The following CDYL2 variants were observed in gnomAD, a reference collection of about 807,000 sequenced individuals.
CDYL2 encodes the protein chromodomain Y like 2.
A neutral mutation model predicts 49.4 loss-of-function variants in CDYL2; 23 were observed. The observed-to-expected ratio is 0.47, with a 90% CI of 0.34 to 0.66. CDYL2 has a LOEUF of 0.66. Among genes scored for constraint, CDYL2 ranks in the 30% least tolerant of loss-of-function variants. The pLI is 0.01. For synonymous variants in CDYL2, 360 were observed against 268.8 expected, an observed-to-expected ratio of 1.34 and a Z score of -3.32; for missense variants, 678 against 656.4, an observed-to-expected ratio of 1.03 and a Z score of -0.36.
chr16:80,605,944 G>C (rs4517811), intron 6 of CDYL2, among the ~76,000 whole-genome samples: 2 of 152,008 alleles, frequency 1.3e-5, no homozygotes, highest in Non-Finnish European at 2.9e-5. Flanking sequence ...CATGGGTAGA[G>C]GGAGCAGGAA....
chr16:80,678,177 T>A (rs1458842200), intron 2 of CDYL2, among the ~76,000 whole-genome samples: 2 of 152,212 alleles, frequency 1.3e-5, no homozygotes, highest in African/African-American at 4.8e-5. Flanking sequence ...AACCTAGGCA[T>A]TACTATTCAG....
chr16:80,608,337 G>T, intron 5 of CDYL2, 102 bp from the exon 6 acceptor site: 4 of 1,287,478 alleles, frequency 3.1e-6, no homozygotes, highest in Non-Finnish European at 4.2e-6. Context: ...GTTCTGGAAG[G>T]CATCTTGCCT....
chr16:80,780,922 T>C (rs1314118077), intron 1 of CDYL2, among the ~76,000 whole-genome samples: 3 of 152,160 alleles, frequency 2.0e-5, no homozygotes, highest in African/African-American at 7.2e-5. Flanking sequence ...TCAAGAGGTA[T>C]TTGTTCAAAA....
intron 1 of CDYL2, among the ~76,000 whole-genome samples, chr16:80,783,627 T>C (rs934931681): frequency 1.2e-4 from 19 of 152,162 alleles, no homozygotes; most frequent in African/African-American, 4.6e-4. Flanking sequence ...ATGTGGTATA[T>C]TCAAAATACC....
At chr16:80,685,935 C>G (rs1347405343) in intron 1 of CDYL2, among the ~76,000 whole-genome samples, 1 of 152,198 alleles carries the variant, frequency 6.6e-6, no homozygotes, top group Admixed American at 6.5e-5. Flanking sequence ...CACACAGCTC[C>G]CCCAGCTGCA....
Position 80,604,493 on chromosome 16 carries a change from T to C in CDYL2, c.1416A>G (p.Glu472=), listed in dbSNP as rs149734100. 59 of 1,614,108 alleles carry C rather than the reference T, an allele frequency of 3.7e-5. No homozygotes were observed. The African/African-American group carries it at 6.8e-4, about 19-fold the overall frequency. ...TGAGGCATTCCTTCTCGTTCACGTC[T>C]TCCAGCACTGATTTCAGGAAGCTCC... The part of the protein sequence containing the change: ...LVRSFLKSVL[E]DVNEKECLML... The change falls in exon 7 of 7, where the codon GAA becomes GAG. Residue 472 remains glutamate (E), a synonymous_variant. Transcript: ENST00000570137.
At position 80,645,883 on chromosome 16, in the gene CDYL2, G is replaced by A. The variant is rs556095172; in HGVS notation, c.617-12647C>T. 3.0e-3 allele frequency among the ~76,000 whole-genome samples: 452 copies of A among 150,522 alleles called. 1 individual carries two copies. The highest frequency in any genetic ancestry group is 0.011 in the African/African-American group (430 of 40,892). ...CATCATTCTCAGCAAACTATCTCAA[G>A]GACAGAAAACCAAACACCGCATGTT... is the stretch of plus-strand genomic sequence containing the variant. On this transcript the variant is annotated intron_variant, in intron 2 of 6. Coordinates refer to ENST00000570137, the MANE Select transcript of CDYL2 (RefSeq NM_152342.4).
intron 1 of CDYL2, among the ~76,000 whole-genome samples, chr16:80,796,623 A>T (rs897071058): frequency 1.3e-5 from 2 of 152,184 alleles, no homozygotes; most frequent in African/African-American, 4.8e-5. Flanking sequence ...AAACATGTAG[A>T]TCCAAAGTCT....
At chr16:80,629,916 G>C (rs1444437162) in intron 3 of CDYL2, among the ~76,000 whole-genome samples, 2 of 152,144 alleles carry the variant, frequency 1.3e-5, no homozygotes, top group Non-Finnish European at 2.9e-5. Flanking sequence ...GGTACTTTGT[G>C]GGCTCCTGTG....
intron 1 of CDYL2, among the ~76,000 whole-genome samples, chr16:80,755,996 T>C (rs1352978368): frequency 6.6e-6 from 1 of 152,136 alleles, no homozygotes; most frequent in Admixed American, 6.6e-5. Context: ...GGTAAAGAAA[T>C]GGAATTACAA....
Position 80,803,089 on chromosome 16 carries a change from C to A in CDYL2, c.24+1061G>T, listed in dbSNP as rs138385040. 1.1e-4 allele frequency among the ~76,000 whole-genome samples: 17 copies of A among 152,282 alleles called. No homozygotes were observed. In the East Asian group the frequency reaches 3.3e-3, roughly 30 times the overall value. ...TTCTTTATCCTGAACCTGGTCTTGG[C>A]GGCCAACACCTCTGAGGCCATTCCC... is the stretch of plus-strand genomic sequence containing the variant. On this transcript the variant is annotated intron_variant, in intron 1 of 6. Coordinates refer to ENST00000570137, the MANE Select transcript of CDYL2 (RefSeq NM_152342.4).
chr16:80,759,318 G>C (rs1441226328), intron 1 of CDYL2, among the ~76,000 whole-genome samples: 1 of 151,560 alleles, frequency 6.6e-6, no homozygotes, highest in Admixed American at 6.6e-5. Context: ...AGTGAATGGA[G>C]ATGACACTTG....
chr16:80,754,483 C>T (rs1567595820), intron 1 of CDYL2, among the ~76,000 whole-genome samples: 1 of 152,144 alleles, frequency 6.6e-6, no homozygotes. Flanking sequence ...GGAAAATATA[C>T]CAGAATCCGA....
chr16:80,670,839 C>A, intron 2 of CDYL2: 1 of 447,920 alleles, frequency 2.2e-6, no homozygotes, highest in Non-Finnish European at 4.5e-6. Flanking sequence ...GGGTTGCACA[C>A]GAGGAAGATA....
At chr16:80,791,352 A>C (rs1397964537) in intron 1 of CDYL2, among the ~76,000 whole-genome samples, 2 of 152,244 alleles carry the variant, frequency 1.3e-5, no homozygotes, top group Non-Finnish European at 2.9e-5. Context: ...TAAATTAATT[A>C]TTTCATTAAA....
intron 1 of CDYL2, among the ~76,000 whole-genome samples, chr16:80,723,440 A>C (rs1218249494): frequency 1.3e-5 from 2 of 152,186 alleles, no homozygotes; most frequent in African/African-American, 4.8e-5. Flanking sequence ...CTAAGTAAGA[A>C]CACTAATTCC....
At chr16:80,763,367 T>C (rs987834842) in intron 1 of CDYL2, among the ~76,000 whole-genome samples, 1 of 151,624 alleles carries the variant, frequency 6.6e-6, no homozygotes, top group African/African-American at 2.4e-5. Context: ...TCCCAGCACT[T>C]TGGAAGGCCG....
intron 2 of CDYL2, among the ~76,000 whole-genome samples, chr16:80,677,631 C>T (rs922753628): frequency 1.2e-4 from 18 of 151,734 alleles, no homozygotes; most frequent in Admixed American, 9.2e-4. Flanking sequence ...CCCAGCTACT[C>T]GGGAGGCTGA....
intron 2 of CDYL2, among the ~76,000 whole-genome samples, chr16:80,676,032 G>A (rs1909728484): frequency 6.6e-6 from 1 of 152,116 alleles, no homozygotes; most frequent in South Asian, 2.1e-4. Flanking sequence ...CAGAATTCAG[G>A]AGCCAAGCGG....
Sources: gnomAD v4.1 joint callset for allele counts (sites outside exome capture counted in the v4.1 genomes callset) on GRCh38, gnomAD v4.1.1 for gene constraint, MANE v1.5 for transcripts, NCBI Gene and HGNC (gene_info 2026-07-23, HGNC 2026-07-21) for gene names.